Variants in CREB3L3 observed in about 807,000 individuals in gnomAD.
CREB3L3 encodes the protein cyclic AMP-responsive element-binding protein 3-like protein 3.
Under a neutral mutation model 44.6 loss-of-function variants are expected in CREB3L3, and 40 were observed. The ratio of observed to expected loss-of-function variants is 0.90; its 90% CI spans 0.70 to 1.17. The LOEUF (loss-of-function observed/expected upper bound fraction) is 1.17. CREB3L3 is among the 50% of genes most tolerant of loss of function. The probability of loss-of-function intolerance (pLI) is 0.00; values close to 1 mark genes in which losing one functional copy is unlikely to be tolerated. For synonymous variants in CREB3L3, 273 were observed against 256.3 expected, an observed-to-expected ratio of 1.06 and a Z score of -0.62; for missense variants, 578 against 595.8, an observed-to-expected ratio of 0.97 and a Z score of 0.31.
chr19:4,156,967 T>G, intron 2 of CREB3L3, 28 bp from the exon 3 acceptor site: 2 of 1,612,884 alleles, frequency 1.2e-6, no homozygotes, highest in Non-Finnish European at 1.7e-6. Flanking sequence ...ACTTCCTAAT[T>G]CCTACTACCC....
At chr19:4,158,100 G>A (rs868482419) in intron 3 of CREB3L3, among the ~76,000 whole-genome samples, 5 of 152,076 alleles carry the variant, frequency 3.3e-5, no homozygotes, top group South Asian at 2.1e-4. Context: ...AAGCATTCCC[G>A]GCGGGCCAGG....
intron 1 of CREB3L3, among the ~76,000 whole-genome samples, chr19:4,154,193 TC>T: frequency 6.6e-6 from 1 of 152,224 alleles, no homozygotes; most frequent in South Asian, 2.1e-4. Flanking sequence ...TGCCTCAGCC[TC>T]CCAAGTAGTT....
At chr19:4,168,819 C>T (rs1966980440) in intron 6 of CREB3L3, among the ~76,000 whole-genome samples, 1 of 152,128 alleles carries the variant, frequency 6.6e-6, no homozygotes, top group African/African-American at 2.4e-5. Flanking sequence ...GCAACCTCCA[C>T]CTCCCGGGTT....
intron 6 of CREB3L3, among the ~76,000 whole-genome samples, 196 bp downstream of exon 6, chr19:4,168,653 AC>A (rs1176338451): frequency 6.6e-6 from 1 of 151,912 alleles, no homozygotes; most frequent in Non-Finnish European, 1.5e-5. Flanking sequence ...GGTTTGGGGG[AC>A]CCTTTGCCCC....
Position 4,153,699 on chromosome 19 carries a change from T to G in CREB3L3, c.-49T>G. 1 of 1,612,278 alleles carries G rather than the reference T, an allele frequency of 6.2e-7. No individual in the cohort carries two copies. Among genetic ancestry groups the G allele is most frequent in the Non-Finnish European group, 8.5e-7 (1 of 1,178,814 alleles). On this transcript the variant is annotated 5_prime_UTR_variant, in exon 1 of 10. Coordinates refer to ENST00000078445, the MANE Select transcript of CREB3L3 (RefSeq NM_032607.3). ...CGCTGGCGGTGGGTGGGCCTCCAGC[T>G]TGGAGCAGAGACCCCCCGAGGCATC...
chr19:4,155,085 G>T (rs764873080), intron 2 of CREB3L3, 58 bp downstream of exon 2: 1 of 1,596,182 alleles, frequency 6.3e-7, no homozygotes, highest in South Asian at 1.1e-5. Context: ...GCCAACTGAG[G>T]CCCCACGAAG....
At chr19:4,154,825 A>C in intron 1 of CREB3L3, 74 bp from the exon 2 acceptor site, 1 of 1,604,844 alleles carries the variant, frequency 6.2e-7, no homozygotes. Flanking sequence ...GGAAAGAGCC[A>C]GGGTTATGTG....
chr19:4,159,427 A>ATT (rs2041630092), intron 3 of CREB3L3, among the ~76,000 whole-genome samples: 2 of 110,606 alleles, frequency 1.8e-5, no homozygotes, highest in African/African-American at 6.4e-5. Context: ...CTGGGAATAC[A>ATT]GGCGTGAGCC....
At position 4,153,791 on chromosome 19, in the gene CREB3L3, C is replaced by A. The variant is rs1480059263; in HGVS notation, c.27+17C>A. 4 of 1,613,736 alleles carry A rather than the reference C, an allele frequency of 2.5e-6. No homozygotes were observed. The African/African-American group carries it at 5.3e-5, about 22-fold the overall frequency. The stretch of plus-strand genomic sequence containing the variant: ...GCTGGAAAGGTGAGCCCTACTAGGT[C>A]CCCAGGGAGAGCGGGAGTCTAGGCT... On this transcript the variant is annotated intron_variant, in intron 1 of 9. Coordinates refer to ENST00000078445, the MANE Select transcript of CREB3L3 (RefSeq NM_032607.3).
At chr19:4,167,479 GGAAA>G (rs1176164020) in intron 5 of CREB3L3, among the ~76,000 whole-genome samples, 2 of 121,632 alleles carry the variant, frequency 1.6e-5, no homozygotes, top group Non-Finnish European at 3.2e-5. Flanking sequence ...AGGAAGAAAA[GGAAA>G]GAAAGAGAGA....
At chr19:4,156,864 C>A in intron 2 of CREB3L3, 131 bp from the exon 3 acceptor site, 1 of 881,096 alleles carries the variant, frequency 1.1e-6, no homozygotes. Context: ...GAGGAAGAAG[C>A]AGTAACTCAT....
intron 4 of CREB3L3, among the ~76,000 whole-genome samples, chr19:4,160,752 G>A (rs79376798): frequency 1.5e-5 from 2 of 129,976 alleles, no homozygotes; most frequent in African/African-American, 5.6e-5. Flanking sequence ...TTTTTTTTTT[G>A]AGATGGCGTC....
chr19:4,165,838 C>T (rs1213241024), intron 5 of CREB3L3, among the ~76,000 whole-genome samples: 3 of 152,082 alleles, frequency 2.0e-5, no homozygotes, highest in African/African-American at 7.2e-5. Flanking sequence ...GATGGTACCA[C>T]TGCACTCCAG....
intron 1 of CREB3L3, 54 bp downstream of exon 1, chr19:4,153,828 CCCA>C: frequency 1.3e-6 from 2 of 1,594,418 alleles, no homozygotes; most frequent in Middle Eastern, 3.3e-4. Flanking sequence ...GGAAAGCCTA[CCCA>C]AGCTGCCAGA....
chr19:4,170,563 G>C (rs560590938), intron 7 of CREB3L3, among the ~76,000 whole-genome samples: 3 of 150,670 alleles, frequency 2.0e-5, no homozygotes, highest in African/African-American at 7.3e-5. Context: ...CGTGAGCCGA[G>C]ATCGCACCAC....
At position 4,171,421 on chromosome 19, in the gene CREB3L3, C is replaced by T; in HGVS notation, c.1014C>T (p.Ser338=). 6.2e-7 allele frequency: 1 copy of T among 1,614,146 alleles called. No homozygotes were observed. Among genetic ancestry groups the T allele is most frequent in the Non-Finnish European group, 8.5e-7 (1 of 1,180,012 alleles). Residue 338 remains serine, a synonymous_variant, in exon 9 of 10, where the codon TCC becomes TCT. Transcript: ENST00000078445. The surrounding 1 kb of genome is among the most constrained non-coding windows in gnomAD (Gnocchi z 4.9). The stretch of plus-strand genomic sequence containing the variant: ...CCTTTGCCCTCATCATCCTCCCCTC[C>T]ATCAGCCCTTTTGGCCCCAACAAAA... ...LLSFALIILP[S]ISPFGPNKTE... is the part of the protein sequence containing the mutation.
Position 4,160,516 on chromosome 19 carries a change from C to A in CREB3L3, c.576+734C>A, listed in dbSNP as rs188019719. 2.8e-4 allele frequency among the ~76,000 whole-genome samples: 42 copies of A among 150,070 alleles called. 1 individual carries two copies. In the East Asian group the frequency reaches 4.3e-3, roughly 15 times the overall value. On this transcript the variant is annotated intron_variant, in intron 4 of 9. Coordinates refer to ENST00000078445, the MANE Select transcript of CREB3L3 (RefSeq NM_032607.3). ...ACTCCCAAGTAGCTGGGACTACAGG[C>A]GTGCACCACCACACCCAGCTAATTT...
Position 4,157,286 on chromosome 19 carries a change from A to G in CREB3L3, c.448A>G (p.Ile150Val), listed in dbSNP as rs761502733. The change falls in exon 3 of 10, where the codon ATA (isoleucine) becomes GTA (valine). Residue 150 changes from isoleucine to valine, a missense_variant. Physicochemically the swap from Ile to Val is conservative, Grantham distance 29 (BLOSUM62 3). Coordinates refer to ENST00000078445, the MANE Select transcript of CREB3L3 (RefSeq NM_032607.3). Reference sequence around the variant, plus strand: ...CCAAGTACCTGAAGCCTCTGTGACCATAGACCTGGGTGAGTCCTGCTGTGT... The same window carrying G: ...CCAAGTACCTGAAGCCTCTGTGACCGTAGACCTGGGTGAGTCCTGCTGTGT... The part of the protein sequence containing the change: ...VIQVPEASVT[I>V]DLEMWSPGGR... 15 of 1,614,152 alleles carry G rather than the reference A, an allele frequency of 9.3e-6. No homozygotes were observed. The South Asian group carries it at 1.1e-4, about 12-fold the overall frequency.
intron 4 of CREB3L3, among the ~76,000 whole-genome samples, chr19:4,161,305 G>T (rs2041660723): frequency 6.6e-6 from 1 of 151,908 alleles, no homozygotes; most frequent in Admixed American, 6.6e-5. Context: ...TGTAGATATG[G>T]GTCTTGCTAT....
Sources: gnomAD v4.1 joint callset for allele counts (sites outside exome capture counted in the v4.1 genomes callset) on GRCh38, gnomAD v4.1.1 for gene constraint, Gnocchi (gnomAD v3.1) non-coding constraint, MANE v1.5 for transcripts, NCBI Gene and HGNC (gene_info 2026-07-23, HGNC 2026-07-21) for gene names.